The following SUGCT variants were observed in gnomAD, a reference collection of about 807,000 sequenced individuals.
SUGCT encodes the protein succinyl-CoA:glutarate-CoA transferase, also known as succinyl-CoA:glutarate CoA-transferase.
A neutral mutation model predicts 55.0 loss-of-function variants in SUGCT; 41 were observed. That is an observed-to-expected ratio of 0.74 (90% CI 0.58 to 0.97). The LOEUF is 0.97. SUGCT is among the 50% of genes least tolerant of loss of function. The pLI, the probability that SUGCT is intolerant of heterozygous loss-of-function variation, is 0.00. For missense variants in SUGCT, 568 were observed against 547.8 expected, an observed-to-expected ratio of 1.04 and a Z score of -0.37; for synonymous variants, 187 against 200.4, an observed-to-expected ratio of 0.93 and a Z score of 0.56.
At chr7:40,413,097 T>G (rs1786781178) in intron 9 of SUGCT, among the ~76,000 whole-genome samples, 1 of 152,188 alleles carries the variant, frequency 6.6e-6, no homozygotes, top group East Asian at 1.9e-4. Context: ...TCCTCAATAT[T>G]CTCTTGTACA....
chr7:40,183,033 G>T (rs1711971317), intron 3 of SUGCT, among the ~76,000 whole-genome samples: 1 of 152,224 alleles, frequency 6.6e-6, no homozygotes, highest in African/African-American at 2.4e-5. Flanking sequence ...AGTACTTTGG[G>T]AGGCCAAGGC....
the SUGCT span, among the ~76,000 whole-genome samples, chr7:40,920,381 C>T: frequency 1.1e-4 from 17 of 152,228 alleles, no homozygotes; most frequent in South Asian, 1.7e-3. Flanking sequence ...AAGAATATCA[C>T]CAGAAGCCCT....
intron 8 of SUGCT, among the ~76,000 whole-genome samples, chr7:40,312,630 T>C (rs1403221017): frequency 6.6e-6 from 1 of 152,162 alleles, no homozygotes; most frequent in African/African-American, 2.4e-5. Flanking sequence ...AGGAAGACTG[T>C]GAAAGTGCAG....
chr7:40,469,280 C>T (rs1790284309), intron 11 of SUGCT, among the ~76,000 whole-genome samples: 1 of 152,126 alleles, frequency 6.6e-6, no homozygotes, highest in Non-Finnish European at 1.5e-5. Context: ...CCTCCCAACC[C>T]CTCATAATTC....
the SUGCT span, among the ~76,000 whole-genome samples, chr7:40,867,315 GA>G: frequency 7.1e-6 from 1 of 140,342 alleles, no homozygotes; most frequent in African/African-American, 2.5e-5. Flanking sequence ...TCAAATATTG[GA>G]GCATATATAT....
intron 7 of SUGCT, among the ~76,000 whole-genome samples, chr7:40,246,542 C>T (rs1343422958): frequency 6.6e-6 from 1 of 150,930 alleles, no homozygotes; most frequent in Non-Finnish European, 1.5e-5. Flanking sequence ...TGAGCCACCT[C>T]ACCCGGCCTA....
intron 12 of SUGCT, among the ~76,000 whole-genome samples, chr7:40,621,041 C>T (rs11980464): frequency 0.21 from 32,054 of 151,978 alleles, 5,847 homozygotes; most frequent in African/African-American, 0.5. Context: ...TTCTTCTCAG[C>T]GAGTAAAACA....
chr7:41,006,032 TGAAA>T, the SUGCT span, among the ~76,000 whole-genome samples: 24 of 152,220 alleles, frequency 1.6e-4, no homozygotes, highest in Non-Finnish European at 3.1e-4. Context: ...GATAAATATC[TGAAA>T]GAGACATGCT....
intron 12 of SUGCT, among the ~76,000 whole-genome samples, chr7:40,532,669 T>A (rs1344352183): frequency 2.6e-5 from 4 of 151,960 alleles, no homozygotes; most frequent in Non-Finnish European, 5.9e-5. Context: ...TTTAGACATT[T>A]TAGGTTAACA....
the SUGCT span, among the ~76,000 whole-genome samples, chr7:40,981,160 C>A: frequency 6.6e-6 from 1 of 152,154 alleles, no homozygotes; most frequent in Non-Finnish European, 1.5e-5. Flanking sequence ...TACGTGGAGG[C>A]AGCCTTGCAC....
At chr7:40,750,357 AT>A (rs1035949766) in intron 13 of SUGCT, among the ~76,000 whole-genome samples, 4 of 151,584 alleles carry the variant, frequency 2.6e-5, no homozygotes, top group Non-Finnish European at 4.4e-5. Context: ...CCAAGCACTT[AT>A]TTTTTTTTCT....
chr7:40,521,697 G>A (rs1178416623), intron 12 of SUGCT, among the ~76,000 whole-genome samples: 1 of 151,838 alleles, frequency 6.6e-6, no homozygotes, highest in African/African-American at 2.4e-5. Flanking sequence ...TTTTCATGTA[G>A]TACTAGGTAA....
At chr7:40,320,312 G>C (rs536000914) in intron 9 of SUGCT, among the ~76,000 whole-genome samples, 1 of 152,106 alleles carries the variant, frequency 6.6e-6, no homozygotes, top group Admixed American at 6.5e-5. Context: ...CTCCATGTTG[G>C]CCAGGATGGT....
chr7:40,373,371 A>C (rs542641121), intron 9 of SUGCT, among the ~76,000 whole-genome samples: 15 of 148,490 alleles, frequency 1.0e-4, no homozygotes, highest in South Asian at 2.1e-4. Context: ...TTTAGAATCT[A>C]TGATTAATAT....
At chr7:40,461,556 A>G (rs1789802187) in intron 11 of SUGCT, among the ~76,000 whole-genome samples, 1 of 152,150 alleles carries the variant, frequency 6.6e-6, no homozygotes, top group South Asian at 2.1e-4. Context: ...AGATGTTGGC[A>G]CCTTTAGGAA....
At chr7:40,846,548 A>G (rs1793565475) in intron 13 of SUGCT, among the ~76,000 whole-genome samples, 1 of 152,336 alleles carries the variant, frequency 6.6e-6, no homozygotes, top group East Asian at 1.9e-4. Context: ...ATAATCTACT[A>G]TGACATTTCA....
intron 7 of SUGCT, 101 bp downstream of exon 7, chr7:40,237,827 G>A: frequency 1.1e-6 from 1 of 884,482 alleles, no homozygotes; most frequent in South Asian, 2.0e-5. Flanking sequence ...TTGTTAGGTT[G>A]GGGCAAAAGT....
chr7:40,171,459 T>C (rs1784668730), intron 1 of SUGCT, among the ~76,000 whole-genome samples: 1 of 152,256 alleles, frequency 6.6e-6, no homozygotes, highest in Admixed American at 6.5e-5. Context: ...CTCCTAGGTC[T>C]GGTTGGACCT....
At chr7:40,907,130 TGTGTGTGTGTGAGA>T in the SUGCT span, among the ~76,000 whole-genome samples, 36,658 of 109,664 alleles carry the variant, frequency 0.33, 5,243 homozygotes, top group Admixed American at 0.41. Context: ...TGTGTGTGTG[TGTGTGTGTGTGAGA>T]GAGAGAGAGA....
Sources: allele counts gnomAD v4.1 joint callset (sites outside exome capture counted in the v4.1 genomes callset), GRCh38; gene constraint gnomAD v4.1.1; transcripts MANE v1.5; gene names NCBI Gene and HGNC (gene_info 2026-07-23, HGNC 2026-07-21).